The following RSPO2 variants were observed in gnomAD, a reference collection of about 807,000 sequenced individuals.
RSPO2 encodes R-spondin-2.
Under a neutral mutation model 30.9 loss-of-function variants are expected in RSPO2, and 14 were observed. The ratio of observed to expected loss-of-function variants is 0.45; its 90% CI spans 0.30 to 0.71. The LOEUF is 0.71. RSPO2 is among the 30% of genes least tolerant of loss of function. The pLI, the probability that RSPO2 is intolerant of heterozygous loss-of-function variation, is 0.08. For synonymous variants in RSPO2, 107 were observed against 96.4 expected, an observed-to-expected ratio of 1.11 and a Z score of -0.64; for missense variants, 264 against 301.9, an observed-to-expected ratio of 0.87 and a Z score of 0.93.
chr8:108,068,502 T>C (rs1430026870), intron 2 of RSPO2, among the ~76,000 whole-genome samples: 1 of 152,186 alleles, frequency 6.6e-6, no homozygotes, highest in Non-Finnish European at 1.5e-5. Context: ...AAAATAAGGA[T>C]TTAAAAGACT....
At chr8:107,927,849 C>T (rs1460652939) in intron 5 of RSPO2, among the ~76,000 whole-genome samples, 4 of 151,398 alleles carry the variant, frequency 2.6e-5, no homozygotes, top group Admixed American at 2.0e-4. Context: ...GGCCAGTGAT[C>T]ATTAATCCTA....
intron 5 of RSPO2, among the ~76,000 whole-genome samples, chr8:107,920,410 G>A (rs1316666437): frequency 2.0e-5 from 3 of 151,942 alleles, no homozygotes; most frequent in African/African-American, 7.3e-5. Context: ...TTTCTATAAT[G>A]CCAACTCCAA....
intron 2 of RSPO2, among the ~76,000 whole-genome samples, chr8:108,054,136 C>G (rs537977461): frequency 6.6e-6 from 1 of 152,280 alleles, no homozygotes; most frequent in South Asian, 2.1e-4. Flanking sequence ...AAGGCTCTCA[C>G]CCTTTTGGAT....
At chr8:108,068,131 G>A (rs1052551068) in intron 2 of RSPO2, among the ~76,000 whole-genome samples, 2 of 152,096 alleles carry the variant, frequency 1.3e-5, no homozygotes, top group Non-Finnish European at 2.9e-5. Flanking sequence ...GAGATGAACA[G>A]CAAGAAGCCA....
chr8:107,997,889 C>T (rs1304991331), intron 2 of RSPO2, among the ~76,000 whole-genome samples: 1 of 152,090 alleles, frequency 6.6e-6, no homozygotes, highest in Non-Finnish European at 1.5e-5. Flanking sequence ...CTAATATACT[C>T]CTGACTTTTA....
At chr8:107,975,048 C>T (rs1291060939) in intron 3 of RSPO2, among the ~76,000 whole-genome samples, 3 of 152,002 alleles carry the variant, frequency 2.0e-5, no homozygotes, top group African/African-American at 7.3e-5. Flanking sequence ...ATAAAAGAAC[C>T]ACCTGATTAT....
chr8:107,974,841 T>TACAC (rs750816937), intron 3 of RSPO2, among the ~76,000 whole-genome samples: 1 of 94,320 alleles, frequency 1.1e-5, no homozygotes, highest in South Asian at 3.5e-4. Flanking sequence ...AACACACACA[T>TACAC]ACACATACAC....
rs897668038 is a variant in RSPO2, at chr8:107,946,846, C to T, written c.616+11234G>A. ...AATTTAAAACCCCATTTAAATTTCC[C>T]GATTCTGTTTTTTCCAACATACAAA... On this transcript the variant is annotated intron_variant, in intron 5 of 5. Transcript: ENST00000276659. Among the ~76,000 whole-genome samples, 4 of 152,102 alleles carry T rather than the reference C, an allele frequency of 2.6e-5. No homozygotes were observed. The South Asian group carries it at 8.3e-4, about 32-fold the overall frequency.
intron 5 of RSPO2, 50 bp downstream of exon 5, chr8:107,958,030 G>A: frequency 8.2e-7 from 1 of 1,225,156 alleles, no homozygotes; most frequent in Middle Eastern, 2.0e-4. Flanking sequence ...TAGGAAGCGG[G>A]AGAATTCAGG....
chr8:108,073,776 A>G (rs1001558820), intron 2 of RSPO2, among the ~76,000 whole-genome samples: 2 of 152,218 alleles, frequency 1.3e-5, no homozygotes, highest in Non-Finnish European at 2.9e-5. Context: ...CCAAGTAATT[A>G]TTTACTGAAA....
In RSPO2 at chr8:108,072,584, C is replaced by T. The variant is rs1812892601; in HGVS notation, c.94+9961G>A. ...CGATCTCCTGACCTCGTGATCCGCC[C>T]GCCTCGGCCTCCCAAAGTGCTGGGA... On this transcript the variant is annotated intron_variant, in intron 2 of 5. Coordinates refer to ENST00000276659, the MANE Select transcript of RSPO2 (RefSeq NM_178565.5). Among the ~76,000 whole-genome samples, 4 of 150,940 alleles carry T rather than the reference C, an allele frequency of 2.7e-5. 1 individual carries two copies. Among genetic ancestry groups the T allele is most frequent in the Middle Eastern group, 6.8e-3 (2 of 292 alleles).
chr8:107,947,174 A>C (rs1337539091), intron 5 of RSPO2, among the ~76,000 whole-genome samples: 1 of 152,244 alleles, frequency 6.6e-6, no homozygotes, highest in African/African-American at 2.4e-5. Flanking sequence ...AGATAAAACC[A>C]TGTTAGATTA....
At chr8:107,905,171 T>A (rs1490194622) in intron 5 of RSPO2, among the ~76,000 whole-genome samples, 2 of 152,212 alleles carry the variant, frequency 1.3e-5, no homozygotes, top group South Asian at 2.1e-4. Flanking sequence ...AATGCTCTCT[T>A]TCCTCTCACT....
At chr8:107,956,496 T>C (rs1813439259) in intron 5 of RSPO2, among the ~76,000 whole-genome samples, 1 of 152,202 alleles carries the variant, frequency 6.6e-6, no homozygotes, top group Admixed American at 6.6e-5. Context: ...TTGTTGTTGA[T>C]AACATAAAAA....
chr8:108,044,029 G>A (rs894599840), intron 2 of RSPO2, among the ~76,000 whole-genome samples: 1 of 151,874 alleles, frequency 6.6e-6, no homozygotes, highest in Non-Finnish European at 1.5e-5. Flanking sequence ...TACCCAGTAG[G>A]GTCTTAATAG....
chr8:108,024,601 CAG>C (rs1015997565), intron 2 of RSPO2, among the ~76,000 whole-genome samples: 7 of 152,174 alleles, frequency 4.6e-5, no homozygotes, highest in African/African-American at 7.2e-5. Context: ...CAGGTGGAAA[CAG>C]AGTGACAGGC....
chr8:108,067,417 G>T (rs1213510487), intron 2 of RSPO2, among the ~76,000 whole-genome samples: 5 of 152,152 alleles, frequency 3.3e-5, no homozygotes, highest in African/African-American at 1.2e-4. Flanking sequence ...TGTAATATCT[G>T]CGATTTTCTT....
chr8:107,947,191 T>A (rs532092522), intron 5 of RSPO2, among the ~76,000 whole-genome samples: 42 of 152,374 alleles, frequency 2.8e-4, no homozygotes, highest in African/African-American at 1.0e-3. Context: ...ATTATACAAT[T>A]GAAATTGAAC....
At chr8:107,963,112 T>C (rs1213693057) in intron 3 of RSPO2, among the ~76,000 whole-genome samples, 7 of 152,172 alleles carry the variant, frequency 4.6e-5, no homozygotes, top group Admixed American at 2.6e-4. Context: ...AAAGCTTAAT[T>C]ATTTGTTCTC....
Sources: gnomAD v4.1 joint callset for allele counts (sites outside exome capture counted in the v4.1 genomes callset) on GRCh38, gnomAD v4.1.1 for gene constraint, MANE v1.5 for transcripts, NCBI Gene and HGNC (gene_info 2026-07-23, HGNC 2026-07-21) for gene names.